Variants in FHIT observed in about 807,000 individuals in gnomAD.
FHIT encodes bis(5'-adenosyl)-triphosphatase.
FHIT carries 19 observed loss-of-function variants against 17.9 expected under a neutral mutation model. The observed-to-expected ratio is 1.06, with a 90% CI of 0.74 to 1.56. FHIT has a LOEUF of 1.56. FHIT is among the 40% of genes most tolerant of loss of function. The probability of loss-of-function intolerance (pLI) is 0.00; values close to 1 mark genes in which losing one functional copy is unlikely to be tolerated. For missense variants in FHIT, 248 were observed against 189.2 expected (o/e 1.31, Z -1.82); for synonymous variants, 81 against 69.7 (o/e 1.16, Z -0.81).
chr3:60,375,635 TA>T (rs1389495835), intron 5 of FHIT, among the ~76,000 whole-genome samples: 1 of 152,116 alleles, frequency 6.6e-6, no homozygotes, highest in Middle Eastern at 3.2e-3. Context: ...TACACATACA[TA>T]GAGGAGTAGC....
chr3:59,947,979 T>G (rs992091260), intron 7 of FHIT, among the ~76,000 whole-genome samples: 2 of 152,198 alleles, frequency 1.3e-5, no homozygotes, highest in African/African-American at 4.8e-5. Context: ...TATTAATAGT[T>G]TGTTCCTTTT....
At chr3:61,207,723 G>C (rs2039296626) in intron 1 of FHIT, among the ~76,000 whole-genome samples, 1 of 151,932 alleles carries the variant, frequency 6.6e-6, no homozygotes, top group South Asian at 2.1e-4. Flanking sequence ...TTCTTCATTA[G>C]TCTTGCTAGA....
chr3:59,925,939 G>T (rs114708523), intron 7 of FHIT, among the ~76,000 whole-genome samples: 85 of 152,300 alleles, frequency 5.6e-4, no homozygotes, highest in African/African-American at 2.0e-3. Context: ...CAGAGATGAG[G>T]ATAATTTGAT....
intron 1 of FHIT, among the ~76,000 whole-genome samples, chr3:61,231,494 G>GA (rs58242774): frequency 0.18 from 25,794 of 141,288 alleles, 2,325 homozygotes; most frequent in South Asian, 0.23. Context: ...GTCTCTTACG[G>GA]AAAAAAAAAA....
rs575621234 is a variant in FHIT at position 60,590,859 on chromosome 3, C to T, written c.-17-53880G>A. Among the ~76,000 whole-genome samples, 27 of 152,084 alleles carry T rather than the reference C, an allele frequency of 1.8e-4. No individual in the cohort carries two copies. The South Asian group carries it at 4.4e-3, about 25-fold the overall frequency. On this transcript the variant is annotated intron_variant, in intron 4 of 9. Coordinates refer to ENST00000492590, the MANE Select transcript of FHIT (RefSeq NM_002012.4). The stretch of plus-strand genomic sequence containing the variant: ...CAGAGCACAGGCTATGGCAGGATTA[C>T]AGAAAAAGGGCTCCTCATCAAGCCT...
At chr3:60,119,503 CAACT>C (rs1276102247) in intron 5 of FHIT, among the ~76,000 whole-genome samples, 2 of 152,108 alleles carry the variant, frequency 1.3e-5, no homozygotes, top group Non-Finnish European at 2.9e-5. Flanking sequence ...GGTGTACTTA[CAACT>C]AACAGCATTA....
intron 5 of FHIT, among the ~76,000 whole-genome samples, chr3:60,134,097 G>A (rs1351336006): frequency 6.6e-6 from 1 of 151,996 alleles, no homozygotes; most frequent in African/African-American, 2.4e-5. Context: ...ACCCGTCCAG[G>A]AGAAATGATA....
intron 4 of FHIT, among the ~76,000 whole-genome samples, chr3:60,788,222 T>C (rs1338493696): frequency 6.6e-5 from 10 of 151,960 alleles, no homozygotes; most frequent in Admixed American, 5.9e-4. Context: ...AGCCCAGGAG[T>C]TCGAACTGCA....
chr3:60,457,952 T>C (rs2032214937), intron 5 of FHIT, among the ~76,000 whole-genome samples: 1 of 152,076 alleles, frequency 6.6e-6, no homozygotes. Context: ...GGAGAGGATG[T>C]GGAGAAATAG....
At chr3:61,011,006 CA>C (rs2031758245) in intron 3 of FHIT, among the ~76,000 whole-genome samples, 1 of 152,206 alleles carries the variant, frequency 6.6e-6, no homozygotes, top group Admixed American at 6.5e-5. Context: ...CATTCTCTAA[CA>C]TGAGAAATTT....
chr3:60,643,245 C>T (rs573098916), intron 4 of FHIT, among the ~76,000 whole-genome samples: 45 of 152,056 alleles, frequency 3.0e-4, no homozygotes, highest in African/African-American at 1.0e-3. Context: ...CTTTCCCCCA[C>T]CCCCCACAGC....
intron 4 of FHIT, among the ~76,000 whole-genome samples, chr3:60,704,203 T>C (rs1204310161): frequency 6.6e-6 from 1 of 152,186 alleles, no homozygotes; most frequent in African/African-American, 2.4e-5. Context: ...ATGTTTTTAT[T>C]TGAATCATCA....
chr3:60,959,287 T>G (rs1553779834), intron 3 of FHIT, among the ~76,000 whole-genome samples: 1 of 152,202 alleles, frequency 6.6e-6, no homozygotes, highest in African/African-American at 2.4e-5. Flanking sequence ...AAATCAGCCC[T>G]TTCATTTATA....
At chr3:60,265,032 C>T (rs1363724170) in intron 5 of FHIT, among the ~76,000 whole-genome samples, 1 of 151,674 alleles carries the variant, frequency 6.6e-6, no homozygotes, top group Non-Finnish European at 1.5e-5. Context: ...GATATCACTC[C>T]CACTGAGAAT....
chr3:60,163,490 G>T (rs1319847255), intron 5 of FHIT, among the ~76,000 whole-genome samples: 4 of 152,022 alleles, frequency 2.6e-5, no homozygotes, highest in Non-Finnish European at 5.9e-5. Flanking sequence ...GCCTCCTTCT[G>T]TTCCTCCAAG....
chr3:59,918,173 T>A (rs1392301734), intron 8 of FHIT, among the ~76,000 whole-genome samples: 2 of 152,224 alleles, frequency 1.3e-5, no homozygotes, highest in Non-Finnish European at 2.9e-5. Flanking sequence ...TTAAATTATG[T>A]TAGAACTAGC....
At chr3:60,040,513 G>T (rs1256457941) in intron 5 of FHIT, among the ~76,000 whole-genome samples, 1 of 152,094 alleles carries the variant, frequency 6.6e-6, no homozygotes, top group Non-Finnish European at 1.5e-5. Context: ...GTGAAACAGA[G>T]CCATAATACA....
chr3:61,154,813 A>G (rs2037489705), intron 2 of FHIT, among the ~76,000 whole-genome samples: 1 of 152,252 alleles, frequency 6.6e-6, no homozygotes, highest in African/African-American at 2.4e-5. Context: ...TAATGATACC[A>G]CTGCCTCCTC....
At chr3:61,164,576 T>C (rs372719161) in intron 2 of FHIT, among the ~76,000 whole-genome samples, 1 of 152,240 alleles carries the variant, frequency 6.6e-6, no homozygotes, top group South Asian at 2.1e-4. Flanking sequence ...AGTTTACTTA[T>C]GAGGAAAAAT....
Sources: allele counts gnomAD v4.1 joint callset (sites outside exome capture counted in the v4.1 genomes callset), GRCh38; gene constraint gnomAD v4.1.1; transcripts MANE v1.5; gene names NCBI Gene and HGNC (gene_info 2026-07-23, HGNC 2026-07-21).